The following PDE1A variants were observed in gnomAD, a reference collection of about 807,000 sequenced individuals.
The protein encoded by PDE1A is phosphodiesterase 1A, also known as dual specificity calcium/calmodulin-dependent 3',5'-cyclic nucleotide phosphodiesterase 1A.
Under a neutral mutation model 61.7 loss-of-function variants are expected in PDE1A, and 35 were observed. The ratio of observed to expected loss-of-function variants is 0.57; its 90% CI spans 0.43 to 0.75. The LOEUF (loss-of-function observed/expected upper bound fraction) is 0.75. PDE1A is among the 30% of genes least tolerant of loss of function. The pLI, the probability that PDE1A is intolerant of heterozygous loss-of-function variation, is 0.00. For synonymous variants in PDE1A, 232 were observed against 213.2 expected (o/e 1.09, Z -0.77); for missense variants, 597 against 630.6 (o/e 0.95, Z 0.57).
intron 6 of PDE1A, among the ~76,000 whole-genome samples, chr2:182,227,894 A>T (rs942477937): frequency 2.0e-5 from 3 of 152,112 alleles, no homozygotes; most frequent in African/African-American, 7.2e-5. Flanking sequence ...GTCATTCCAA[A>T]GTGTGGAAGA....
At chr2:182,385,638 AAG>A (rs759811162) in intron 1 of PDE1A, among the ~76,000 whole-genome samples, 14,039 of 48,398 alleles carry the variant, frequency 0.29, 2,932 homozygotes, top group East Asian at 0.69. Context: ...AGAAAGAAAG[AAG>A]AAGAAAGAAA....
intron 7 of PDE1A, among the ~76,000 whole-genome samples, chr2:182,213,012 T>G (rs547586957): frequency 0.027 from 4,013 of 148,944 alleles, 159 homozygotes; most frequent in African/African-American, 0.095. Context: ...GACTTAAATG[T>G]CCCTGTCTGA....
chr2:182,312,525 C>G (rs1026639722), intron 1 of PDE1A, among the ~76,000 whole-genome samples: 1 of 152,120 alleles, frequency 6.6e-6, no homozygotes, highest in Admixed American at 6.5e-5. Context: ...TATACATAGA[C>G]ATCCAATTAT....
intron 1 of PDE1A, among the ~76,000 whole-genome samples, chr2:182,414,294 C>T (rs1468566575): frequency 1.3e-5 from 2 of 152,030 alleles, no homozygotes; most frequent in East Asian, 1.9e-4. Context: ...GCAAGTAACT[C>T]AATAAGTTAT....
At chr2:182,166,314 G>A (rs1691649444), downstream of PDE1A, among the ~76,000 whole-genome samples, 1 of 152,122 alleles carries the variant, frequency 6.6e-6, no homozygotes, top group Admixed American at 6.6e-5. Context: ...TCAGCTGGGG[G>A]AGCAGCTGGG....
chr2:182,687,618 C>T, the PDE1A span, among the ~76,000 whole-genome samples: 2 of 152,160 alleles, frequency 1.3e-5, no homozygotes, highest in African/African-American at 2.4e-5. Context: ...TTCTAAAAAT[C>T]GAGCACCTCT....
intron 1 of PDE1A, among the ~76,000 whole-genome samples, chr2:182,316,405 AGT>A (rs1433348999): frequency 6.6e-6 from 1 of 152,206 alleles, no homozygotes; most frequent in African/African-American, 2.4e-5. Flanking sequence ...TTTACAGAAT[AGT>A]GAGCTGAGAT....
chr2:182,298,608 A>G (rs1695041185), intron 1 of PDE1A, among the ~76,000 whole-genome samples: 1 of 152,092 alleles, frequency 6.6e-6, no homozygotes, highest in Admixed American at 6.6e-5. Flanking sequence ...ACTGGAGACT[A>G]TACAAAGACC....
intron 10 of PDE1A, among the ~76,000 whole-genome samples, chr2:182,199,948 A>G (rs1405439317): frequency 1.3e-5 from 2 of 152,032 alleles, no homozygotes; most frequent in Non-Finnish European, 2.9e-5. Context: ...AAATTAATGA[A>G]CAAACTTTCA....
At chr2:182,687,146 A>G in the PDE1A span, among the ~76,000 whole-genome samples, 1 of 152,236 alleles carries the variant, frequency 6.6e-6, no homozygotes, top group Non-Finnish European at 1.5e-5. Context: ...AAACCTCTGC[A>G]GACTTAAATG....
At chr2:182,638,683 C>A in the PDE1A span, among the ~76,000 whole-genome samples, 1 of 152,046 alleles carries the variant, frequency 6.6e-6, no homozygotes, top group East Asian at 1.9e-4. Context: ...AAAATTTTAG[C>A]AAAAGCAACT....
Position 182,378,787 on chromosome 2 carries a change from T to C in PDE1A, c.53+47791A>G, listed in dbSNP as rs977455798. ...CAACAGCTGTCAATCTCAAATCTTCTGACTTCCAGTCAGAACTACACTACT... is the reference window on the plus strand; with the variant it reads ...CAACAGCTGTCAATCTCAAATCTTCCGACTTCCAGTCAGAACTACACTACT... On this transcript the variant is annotated intron_variant, in intron 1 of 13. Transcript: ENST00000351439. Among the ~76,000 whole-genome samples, 3 of 152,368 alleles carry C rather than the reference T, an allele frequency of 2.0e-5. No homozygotes were observed. In the East Asian group the frequency reaches 5.8e-4, roughly 29 times the overall value.
chr2:182,469,024 C>T (rs1461257033), intron 2 of PDE1A, among the ~76,000 whole-genome samples: 2 of 151,934 alleles, frequency 1.3e-5, no homozygotes, highest in Non-Finnish European at 2.9e-5. Flanking sequence ...AGAATAGAGG[C>T]AGAGTAGATG....
upstream of PDE1A, among the ~76,000 whole-genome samples, chr2:182,431,080 C>T (rs1348882478): frequency 1.7e-5 from 2 of 117,714 alleles, no homozygotes; most frequent in Admixed American, 9.8e-5. Context: ...ACAATGTGCA[C>T]ATGTACCCTA....
intron 6 of PDE1A, among the ~76,000 whole-genome samples, chr2:182,226,833 G>A (rs892935843): frequency 7.2e-6 from 1 of 139,500 alleles, no homozygotes; most frequent in African/African-American, 3.4e-5. Context: ...TTACTCTAGA[G>A]CGGGCAGTCA....
chr2:182,363,499 G>A (rs1157847602), intron 1 of PDE1A, among the ~76,000 whole-genome samples: 1 of 151,968 alleles, frequency 6.6e-6, no homozygotes, highest in Non-Finnish European at 1.5e-5. Flanking sequence ...TTCTAAGAAG[G>A]TGAAATTTGA....
chr2:182,446,938 TAA>T (rs910803106), intron 2 of PDE1A, among the ~76,000 whole-genome samples: 1 of 144,958 alleles, frequency 6.9e-6, no homozygotes, highest in Non-Finnish European at 1.6e-5. Context: ...TTAAGTGAGA[TAA>T]TATATATATA....
chr2:182,352,863 G>A (rs1021090), intron 1 of PDE1A, among the ~76,000 whole-genome samples: 39,263 of 151,892 alleles, frequency 0.26, 5,372 homozygotes, highest in East Asian at 0.46. Context: ...TCAGCCAATC[G>A]TGCTTCTAAA....
At chr2:182,514,753 C>T (rs767255150) in intron 2 of PDE1A, among the ~76,000 whole-genome samples, 1 of 152,064 alleles carries the variant, frequency 6.6e-6, no homozygotes, top group Non-Finnish European at 1.5e-5. Flanking sequence ...TGGAAATAGA[C>T]CCTGGCAAAG....
Sources: allele counts gnomAD v4.1 joint callset (sites outside exome capture counted in the v4.1 genomes callset), GRCh38; gene constraint gnomAD v4.1.1; transcripts MANE v1.5; gene names NCBI Gene and HGNC (gene_info 2026-07-23, HGNC 2026-07-21).